TATDN1: variants seen among roughly 807,000 people sequenced by gnomAD.
TATDN1 encodes deoxyribonuclease TATDN1.
TATDN1 carries 40 observed loss-of-function variants against 46.4 expected under a neutral mutation model. The observed-to-expected ratio is 0.86, with a 90% CI of 0.67 to 1.12. The LOEUF is 1.12. Ranked by LOEUF, TATDN1 falls within the 50% of genes most tolerant of loss-of-function variation. The probability of loss-of-function intolerance (pLI) is 0.00; values close to 1 mark genes in which losing one functional copy is unlikely to be tolerated. For missense variants in TATDN1, 326 were observed against 348.4 expected, an observed-to-expected ratio of 0.94 and a Z score of 0.51; for synonymous variants, 95 against 105.6, an observed-to-expected ratio of 0.90 and a Z score of 0.62.
chr8:124,533,537 C>CA (rs1234681969), intron 1 of TATDN1, among the ~76,000 whole-genome samples: 1 of 151,916 alleles, frequency 6.6e-6, no homozygotes, highest in Admixed American at 6.5e-5. Flanking sequence ...GGTGAAACTG[C>CA]AAAAAAGGAG....
intron 4 of TATDN1, among the ~76,000 whole-genome samples, chr8:124,517,068 T>G (rs991654586): frequency 3.9e-5 from 6 of 152,276 alleles, no homozygotes; most frequent in Admixed American, 2.0e-4. Context: ...GGATGAAAAG[T>G]AAGGATAAAA....
intron 8 of TATDN1, among the ~76,000 whole-genome samples, chr8:124,507,990 T>C (rs954866071): frequency 6.6e-6 from 1 of 152,216 alleles, no homozygotes; most frequent in African/African-American, 2.4e-5. Context: ...CTCCTAATTC[T>C]ATTGAATTCT....
intron 1 of TATDN1, among the ~76,000 whole-genome samples, chr8:124,524,487 G>A (rs1254020338): frequency 3.3e-5 from 5 of 152,200 alleles, no homozygotes; most frequent in African/African-American, 7.2e-5. Context: ...CCAGGGAAGA[G>A]GGGAGAGGCC....
At chr8:124,518,778 T>C (rs1308275214) in intron 4 of TATDN1, 40 bp downstream of exon 4, 1 of 1,479,278 alleles carries the variant, frequency 6.8e-7, no homozygotes, top group Non-Finnish European at 9.4e-7. Context: ...TCAAAATTAC[T>C]TAATTCATTT....
intron 6 of TATDN1, among the ~76,000 whole-genome samples, chr8:124,514,719 T>C (rs552635065): frequency 6.6e-6 from 1 of 152,316 alleles, no homozygotes; most frequent in South Asian, 2.1e-4. Context: ...TTCTTTTCAA[T>C]CTATAACACT....
intron 8 of TATDN1, among the ~76,000 whole-genome samples, chr8:124,506,201 G>A (rs1318636491): frequency 6.6e-6 from 1 of 151,740 alleles, no homozygotes; most frequent in Non-Finnish European, 1.5e-5. Flanking sequence ...CAGGCGTGGT[G>A]GTGCGTGCCT....
intron 1 of TATDN1, among the ~76,000 whole-genome samples, chr8:124,528,396 A>G (rs2131550633): frequency 6.6e-6 from 1 of 152,122 alleles, no homozygotes; most frequent in South Asian, 2.1e-4. Context: ...GATGGTCTCG[A>G]TCTCCTGACC....
chr8:124,500,744 C>G (rs911606664), intron 9 of TATDN1, among the ~76,000 whole-genome samples: 2 of 148,024 alleles, frequency 1.4e-5, no homozygotes, highest in Non-Finnish European at 3.0e-5. Context: ...ATCTTCTACC[C>G]CCTTCTCTTA....
Position 124,515,943 on chromosome 8 carries a change from A to T in TATDN1, c.290T>A (p.Leu97Gln), listed in dbSNP as rs769041231. ...CCCTTTATTGTTTTCAGCAAGATTT[A>T]GCAACTCCTTTAAGTAAAGATCAGG... ...NNPDLYLKEL[L>Q]NLAENNKGKV... Residue 97 changes from leucine (L) to glutamine (Q), a missense_variant, in exon 5 of 12, where the codon CTA becomes CAA. Transcript: ENST00000276692. 6.2e-7 allele frequency: 1 copy of T among 1,613,980 alleles called. No homozygotes were observed. The highest frequency in any genetic ancestry group is 1.3e-5 in the African/African-American group (1 of 74,946).
chr8:124,504,314 C>G lies in TATDN1; in HGVS notation c.550G>C (p.Ala184Pro). ...HSFDGTKEAA[A>P]ALIDLDLYIG... ...TAAAGATCCAAGTCAATCAAAGCAG[C>G]TGCTGCTTCCTTGGTACCATCAAAT... The change falls in exon 9 of 12, where the codon GCT (alanine) becomes CCT (proline). Residue 184 changes from alanine to proline, a missense_variant. Ala to Pro is a conservative substitution (Grantham distance 27). Coordinates refer to ENST00000276692, the MANE Select transcript of TATDN1 (RefSeq NM_032026.4). 3.1e-6 allele frequency: 5 copies of G among 1,608,750 alleles called. No individual in the cohort carries two copies. Among genetic ancestry groups the G allele is most frequent in the Middle Eastern group, 1.7e-4 (1 of 6,028 alleles).
intron 1 of TATDN1, among the ~76,000 whole-genome samples, chr8:124,525,982 C>T (rs968637281): frequency 6.6e-6 from 1 of 152,176 alleles, no homozygotes; most frequent in African/African-American, 2.4e-5. Flanking sequence ...ATGTTCACAG[C>T]AGTCCAAGCT....
At chr8:124,508,155 C>T (rs1818675132) in intron 8 of TATDN1, among the ~76,000 whole-genome samples, 1 of 152,132 alleles carries the variant, frequency 6.6e-6, no homozygotes, top group Non-Finnish European at 1.5e-5. Context: ...AAAAGTGTTT[C>T]ATATTTCAGA....
intron 9 of TATDN1, 125 bp downstream of exon 9, chr8:124,504,143 CCAG>C (rs1818206883): frequency 1.3e-6 from 1 of 753,430 alleles, no homozygotes; most frequent in South Asian, 2.3e-5. Context: ...ACTGAAATTC[CCAG>C]CAAAGATCAA....
At chr8:124,492,936 C>T (rs987750786) in intron 11 of TATDN1, among the ~76,000 whole-genome samples, 5 of 151,888 alleles carry the variant, frequency 3.3e-5, no homozygotes, top group African/African-American at 1.2e-4. Context: ...AATACAGGCG[C>T]AGGCCACCAT....
chr8:124,506,789 C>A (rs1203569335), intron 8 of TATDN1, among the ~76,000 whole-genome samples: 1 of 152,184 alleles, frequency 6.6e-6, no homozygotes, highest in Non-Finnish European at 1.5e-5. Context: ...CTGAGTCACT[C>A]TCCTGAAATT....
intron 1 of TATDN1, among the ~76,000 whole-genome samples, chr8:124,537,084 A>G (rs1821493009): frequency 6.6e-6 from 1 of 152,204 alleles, no homozygotes; most frequent in African/African-American, 2.4e-5. Context: ...ACCTTCTTTA[A>G]GAAGTCTTTT....
At chr8:124,529,066 G>C (rs1820740203) in intron 1 of TATDN1, among the ~76,000 whole-genome samples, 1 of 152,190 alleles carries the variant, frequency 6.6e-6, no homozygotes, top group Non-Finnish European at 1.5e-5. Flanking sequence ...TCCTGAGTCT[G>C]TCCTGCCTCT....
chr8:124,510,476 T>C (rs1055020135), intron 6 of TATDN1, among the ~76,000 whole-genome samples: 1 of 152,078 alleles, frequency 6.6e-6, no homozygotes, highest in Non-Finnish European at 1.5e-5. Flanking sequence ...TATCTAATGG[T>C]CGGATGGAAA....
At chr8:124,534,549 C>A (rs930272329) in intron 1 of TATDN1, among the ~76,000 whole-genome samples, 1 of 152,172 alleles carries the variant, frequency 6.6e-6, no homozygotes, top group Non-Finnish European at 1.5e-5. Flanking sequence ...AACTCCCGGG[C>A]TCAAGCAGTC....
Sources: allele counts gnomAD v4.1 joint callset (sites outside exome capture counted in the v4.1 genomes callset), GRCh38; gene constraint gnomAD v4.1.1; transcripts MANE v1.5; gene names NCBI Gene and HGNC (gene_info 2026-07-23, HGNC 2026-07-21).